The following SPATA13 variants were observed in gnomAD, a reference collection of about 807,000 sequenced individuals.
SPATA13 encodes the protein spermatogenesis-associated protein 13.
Under a neutral mutation model 104.0 loss-of-function variants are expected in SPATA13, and 50 were observed. That is an observed-to-expected ratio of 0.48 (90% CI 0.38 to 0.61). The LOEUF is 0.61. Among genes scored for constraint, SPATA13 ranks in the 20% least tolerant of loss-of-function variants. The probability of loss-of-function intolerance (pLI) is 0.00; values close to 1 mark genes in which losing one functional copy is unlikely to be tolerated. For missense variants in SPATA13, 1,524 were observed against 1,690.6 expected (o/e 0.90, Z 1.73); for synonymous variants, 606 against 667.5 (o/e 0.91, Z 1.42).
chr13:24,123,520 G>A lies in SPATA13; in HGVS notation c.-111-99299G>A, dbSNP rs909117276. ...ATATGCAGGGCTCCATCTTTTTTTC[G>A]AGGGTCAGCATTTGGTTCTGTAAGA... is the stretch of plus-strand genomic sequence containing the variant. On this transcript the variant is annotated intron_variant, in intron 3 of 14. Transcript: ENST00000424834. 84 of 1,610,940 alleles carry A rather than the reference G, an allele frequency of 5.2e-5. No homozygotes were observed. The East Asian group carries it at 1.2e-3, about 22-fold the overall frequency.
At chr13:24,186,443 A>C (rs1305458786) in intron 1 of SPATA13, among the ~76,000 whole-genome samples, 1 of 152,198 alleles carries the variant, frequency 6.6e-6, no homozygotes, top group Non-Finnish European at 1.5e-5. Flanking sequence ...TCAAACCAAG[A>C]GGGAACATCA....
At chr13:24,221,973 T>G (rs1298766611) in intron 1 of SPATA13, among the ~76,000 whole-genome samples, 1 of 152,020 alleles carries the variant, frequency 6.6e-6, no homozygotes, top group East Asian at 1.9e-4. Context: ...TCACCACGCC[T>G]GGCTAATTTT....
rs111558434 is a variant in SPATA13 at position 24,291,740 on chromosome 13, AT to A, written c.3080+863del. On this transcript the variant is annotated intron_variant, in intron 9 of 12. Transcript: ENST00000382108. ...CAAAATACACTCTCTCTCTGTCTTTATTTTTTTATTTTTTTATTTTTTTTTT... is the reference window on the plus strand; with the variant it reads ...CAAAATACACTCTCTCTCTGTCTTTATTTTTTATTTTTTTATTTTTTTTTT... Among the ~76,000 whole-genome samples the A allele has an allele frequency of 8.0e-4, 111 of 138,892 alleles. 3 individuals are homozygous for A. The highest frequency in any genetic ancestry group is 2.8e-3 in the African/African-American group (107 of 37,680). 91.1% of individuals were successfully genotyped at this position (138,892 alleles called of 152,430 possible).
intron 4 of SPATA13, among the ~76,000 whole-genome samples, chr13:24,263,396 C>G (rs1874151255): frequency 6.6e-6 from 1 of 152,128 alleles, no homozygotes; most frequent in African/African-American, 2.4e-5. Context: ...TCCCTTCTCC[C>G]CCTACATCTC....
chr13:24,122,116 T>G, intron 3 of SPATA13: 1 of 1,612,584 alleles, frequency 6.2e-7, no homozygotes, highest in South Asian at 1.1e-5. Flanking sequence ...TTGGCACAAC[T>G]GGAGCACTGA....
intron 3 of SPATA13, among the ~76,000 whole-genome samples, chr13:24,147,610 C>G (rs1593360073): frequency 1.3e-5 from 2 of 152,278 alleles, no homozygotes; most frequent in Admixed American, 1.3e-4. Context: ...TTTAAAAAAA[C>G]TTGTAGTAAA....
At chr13:24,147,310 G>A (rs1284200028) in intron 3 of SPATA13, among the ~76,000 whole-genome samples, 1 of 152,194 alleles carries the variant, frequency 6.6e-6, no homozygotes. Flanking sequence ...GACAGTGAGT[G>A]TAGTCTGCTT....
At chr13:23,997,258 G>A (rs1408095530) in intron 2 of SPATA13, among the ~76,000 whole-genome samples, 1 of 152,100 alleles carries the variant, frequency 6.6e-6, no homozygotes, top group Non-Finnish European at 1.5e-5. Flanking sequence ...GTACACTGTG[G>A]TACATATGTG....
At chr13:24,124,410 G>A (rs74040222) in intron 3 of SPATA13, among the ~76,000 whole-genome samples, 1 of 152,128 alleles carries the variant, frequency 6.6e-6, no homozygotes, top group Non-Finnish European at 1.5e-5. Flanking sequence ...GTAGAGCCCC[G>A]TCAGTGTCTA....
At position 24,097,075 on chromosome 13, in the gene SPATA13, G is replaced by C. The variant is rs188675824; in HGVS notation, c.-112+79374G>C. On this transcript the variant is annotated intron_variant, in intron 3 of 14. Coordinates refer to the SPATA13 transcript ENST00000424834. The stretch of plus-strand genomic sequence containing the variant: ...AAACAGCGTTGGCCCCGGCTGAAAC[G>C]GTGCCAGTGGAGTTGAAGTGAAATG... Among the ~76,000 whole-genome samples, 405 of 152,318 alleles carry C rather than the reference G, an allele frequency of 2.7e-3. 2 individuals carry two copies. The highest frequency in any genetic ancestry group is 9.1e-3 in the African/African-American group (379 of 41,564).
rs115235638 is a variant in SPATA13 at position 24,145,933 on chromosome 13, C to T, written c.-111-76886C>T. Among the ~76,000 whole-genome samples the T allele has an allele frequency of 7.1e-3, 1,077 of 152,206 alleles. 16 individuals are homozygous for T. The highest frequency in any genetic ancestry group is 0.024 in the African/African-American group (1,016 of 41,508). On this transcript the variant is annotated intron_variant, in intron 3 of 14. Coordinates refer to the SPATA13 transcript ENST00000424834. ...TTCCATATGTGAGAAAGAAGGGGGA[C>T]GAGCACTCCCGACCAAGTCAACAGG...
chr13:24,046,667 G>A (rs571620135), intron 3 of SPATA13, among the ~76,000 whole-genome samples: 4 of 151,754 alleles, frequency 2.6e-5, no homozygotes, highest in Admixed American at 6.6e-5. Context: ...GTATAATACC[G>A]AAATTTATTA....
chr13:24,073,542 G>A (rs1879234508), intron 3 of SPATA13, among the ~76,000 whole-genome samples: 2 of 152,218 alleles, frequency 1.3e-5, no homozygotes, highest in Admixed American at 1.3e-4. Context: ...CTCACACACA[G>A]GTGACATTGG....
chr13:24,189,471 C>T, intron 1 of SPATA13, among the ~76,000 whole-genome samples: 1 of 57,072 alleles, frequency 1.8e-5, no homozygotes, highest in African/African-American at 4.5e-5. Context: ...GAGACTCCAT[C>T]TCTCTCTCTC....
At chr13:24,263,550 A>G (rs1874159369) in intron 4 of SPATA13, among the ~76,000 whole-genome samples, 1 of 152,248 alleles carries the variant, frequency 6.6e-6, no homozygotes, top group African/African-American at 2.4e-5. Context: ...TAATAATTGC[A>G]TATAACCCAT....
chr13:24,078,460 C>G (rs969068969), intron 3 of SPATA13, among the ~76,000 whole-genome samples: 5 of 152,152 alleles, frequency 3.3e-5, no homozygotes, highest in Non-Finnish European at 7.3e-5. Flanking sequence ...AGAAAACAGG[C>G]CTGGGGCACT....
chr13:24,170,078 A>C (rs929694157), intron 1 of SPATA13, among the ~76,000 whole-genome samples: 3 of 152,226 alleles, frequency 2.0e-5, no homozygotes, highest in Admixed American at 1.3e-4. Context: ...TTGACAGTAC[A>C]AGGTCCCATC....
rs921577713 is a variant in SPATA13, at chr13:24,052,929, T to G, written c.-112+35228T>G. Among the ~76,000 whole-genome samples, 3 of 126,434 alleles carry G rather than the reference T, an allele frequency of 2.4e-5. No homozygotes were observed. The Admixed American group carries it at 2.5e-4, about 11-fold the overall frequency. The allele number at this position is 126,434 out of a possible 152,430, so 82.9% of individuals were successfully genotyped here. ...TTTCACTTAGCTTCCTGCAGGGATA[T>G]TTTGGGACTGGGAACCTTGGCTTTT... On this transcript the variant is annotated intron_variant, in intron 3 of 14. Transcript: ENST00000424834.
At chr13:24,266,707 T>C (rs542284167) in intron 4 of SPATA13, among the ~76,000 whole-genome samples, 3 of 152,240 alleles carry the variant, frequency 2.0e-5, no homozygotes, top group Non-Finnish European at 2.9e-5. Flanking sequence ...TTGCCAATAA[T>C]CAATGATGGT....
Sources: allele counts gnomAD v4.1 joint callset (sites outside exome capture counted in the v4.1 genomes callset), GRCh38; gene constraint gnomAD v4.1.1; transcripts MANE v1.5; gene names NCBI Gene and HGNC (gene_info 2026-07-23, HGNC 2026-07-21).